DYNC2H1: variants seen among roughly 807,000 people sequenced by gnomAD.
DYNC2H1 encodes the protein cytoplasmic dynein 2 heavy chain 1.
Under a neutral mutation model 570.0 loss-of-function variants are expected in DYNC2H1, and 410 were observed. The ratio of observed to expected loss-of-function variants is 0.72; its 90% CI spans 0.66 to 0.78. DYNC2H1 has a LOEUF of 0.78. Ranked by LOEUF, DYNC2H1 falls within the 30% of genes least tolerant of loss-of-function variation. DYNC2H1 has a pLI of 0.00. For synonymous variants in DYNC2H1, 1,688 were observed against 1,677.6 expected (o/e 1.01, Z -0.15); for missense variants, 4,865 against 5,046.4 (o/e 0.96, Z 1.09).
chr11:103,373,950 C>T (rs923668262), intron 83 of DYNC2H1, among the ~76,000 whole-genome samples: 2 of 151,966 alleles, frequency 1.3e-5, no homozygotes, highest in African/African-American at 2.4e-5. Flanking sequence ...GCTCCATAGT[C>T]TTTTAAAATT....
intron 82 of DYNC2H1, among the ~76,000 whole-genome samples, chr11:103,330,870 TTAG>T (rs1039219435): frequency 6.6e-6 from 1 of 152,144 alleles, no homozygotes; most frequent in Non-Finnish European, 1.5e-5. Context: ...CATTGGAATA[TTAG>T]TAGTCTTTAC....
At chr11:103,141,460 G>A (rs1411126852) in intron 17 of DYNC2H1, among the ~76,000 whole-genome samples, 1 of 152,200 alleles carries the variant, frequency 6.6e-6, no homozygotes, top group Non-Finnish European at 1.5e-5. Flanking sequence ...GAGTTTGTTA[G>A]AGGTCCACTC....
At chr11:103,137,453 A>G (rs1173838742) in intron 17 of DYNC2H1, among the ~76,000 whole-genome samples, 1 of 152,036 alleles carries the variant, frequency 6.6e-6, no homozygotes, top group African/African-American at 2.4e-5. Context: ...ATGGTTAGCC[A>G]GTTTTCCCAG....
In DYNC2H1 at chr11:103,117,669, A is replaced by G. The variant is rs1274313581; in HGVS notation, c.805A>G (p.Thr269Ala). 1 of 1,607,356 alleles carries G rather than the reference A, an allele frequency of 6.2e-7. No individual in the cohort carries two copies. The highest frequency in any genetic ancestry group is 1.1e-5 in the South Asian group (1 of 89,476). ...FGRFVQKKLG[T>A]LNLWEDPYYL... Reference sequence around the variant, plus strand: ...AAGGTTTGTTCAGAAAAAGTTGGGAACTTTGAACCTGTGGGAAGATCCTTA... The same window carrying G: ...AAGGTTTGTTCAGAAAAAGTTGGGAGCTTTGAACCTGTGGGAAGATCCTTA... Residue 269 changes from threonine (T) to alanine (A), a missense_variant, in exon 6 of 89, where the codon ACT (threonine) becomes GCT (alanine). Transcript: ENST00000375735.
At chr11:103,453,068 T>C (rs1410313648) in intron 85 of DYNC2H1, among the ~76,000 whole-genome samples, 1 of 152,070 alleles carries the variant, frequency 6.6e-6, no homozygotes, top group Non-Finnish European at 1.5e-5. Context: ...TTCTATTAGC[T>C]ATTTATTCAC....
chr11:103,375,373 G>T (rs1941350497), intron 83 of DYNC2H1, among the ~76,000 whole-genome samples: 1 of 152,200 alleles, frequency 6.6e-6, no homozygotes, highest in African/African-American at 2.4e-5. Context: ...TCCCTACTGG[G>T]GCACTGCCTA....
chr11:103,294,900 T>G (rs548784507), intron 75 of DYNC2H1, among the ~76,000 whole-genome samples: 3 of 152,312 alleles, frequency 2.0e-5, no homozygotes, highest in Admixed American at 6.5e-5. Context: ...TATTTTCCTG[T>G]GACTGGTCTT....
At chr11:103,440,783 A>T (rs1944240229) in intron 85 of DYNC2H1, among the ~76,000 whole-genome samples, 1 of 152,054 alleles carries the variant, frequency 6.6e-6, no homozygotes, top group African/African-American at 2.4e-5. Flanking sequence ...ATCATTGTTT[A>T]CTTCTCTCCT....
intron 78 of DYNC2H1, among the ~76,000 whole-genome samples, chr11:103,308,705 G>T (rs893391823): frequency 6.6e-6 from 1 of 152,160 alleles, no homozygotes; most frequent in Non-Finnish European, 1.5e-5. Flanking sequence ...GTGAGGTGAT[G>T]TCTGTTTGTG....
At chr11:103,443,233 T>G (rs1406168585) in intron 85 of DYNC2H1, among the ~76,000 whole-genome samples, 1 of 152,034 alleles carries the variant, frequency 6.6e-6, no homozygotes, top group Non-Finnish European at 1.5e-5. Flanking sequence ...CTTCACCACA[T>G]TTGTTCCACT....
intron 20 of DYNC2H1, among the ~76,000 whole-genome samples, chr11:103,150,323 G>C (rs1284219392): frequency 7.1e-6 from 1 of 141,696 alleles, no homozygotes; most frequent in Non-Finnish European, 1.5e-5. Flanking sequence ...GGACAGGCCA[G>C]TTAGTAGGAT....
chr11:103,358,134 T>G, intron 82 of DYNC2H1, 109 bp from the exon 83 acceptor site: 1 of 589,400 alleles, frequency 1.7e-6, no homozygotes, highest in Non-Finnish European at 2.9e-6. Flanking sequence ...GACAACATTT[T>G]TGGTCTCTAT....
rs1860570946 is a variant in DYNC2H1 at position 103,151,997 on chromosome 11, G to A, written c.2947-139G>A. 3 of 964,650 alleles carry A rather than the reference G, an allele frequency of 3.1e-6. No homozygotes were observed. The highest frequency in any genetic ancestry group is 4.4e-6 in the Non-Finnish European group (3 of 680,358). 59.8% of individuals were successfully genotyped at this position (964,650 alleles called of 1,614,324 possible). ...TTTTCTGCCAAATCAGAATATATAG[G>A]AATTTAACAAACTGTTTAAATGCAA... is the stretch of plus-strand genomic sequence containing the variant. On this transcript the variant is annotated intron_variant, in intron 20 of 88. Coordinates refer to ENST00000375735, the MANE Select transcript of DYNC2H1 (RefSeq NM_001377.3). This position sits in a 1 kb window ranked among gnomAD's most constrained non-coding sequence, Gnocchi z 4.6.
chr11:103,317,726 A>G lies in DYNC2H1; in HGVS notation c.11725+1106A>G, dbSNP rs12224850. Among the ~76,000 whole-genome samples the G allele has an allele frequency of 1.6e-3, 242 of 151,670 alleles. 4 individuals carry two copies. The East Asian group carries it at 0.04, about 25-fold the overall frequency. ...ACTTTCATATGGCCTTCTTCTTCCT[A>G]TTGTTCACTTCTCAGCTTGGATGTA... On this transcript the variant is annotated intron_variant, in intron 80 of 88. Coordinates refer to ENST00000375735, the MANE Select transcript of DYNC2H1 (RefSeq NM_001377.3).
Position 103,275,088 on chromosome 11 carries a change from C to T in DYNC2H1, c.10696-5260C>T, listed in dbSNP as rs565644700. Among the ~76,000 whole-genome samples the T allele has an allele frequency of 5.3e-5, 8 of 151,150 alleles. No homozygotes were observed. The highest frequency in any genetic ancestry group is 8.8e-5 in the Non-Finnish European group (6 of 67,934). ...CAGCCTGGGCGACAGTGAGAGACTC[C>T]GTCTCAAAAATAAATAAATAAATAA... On this transcript the variant is annotated intron_variant, in intron 70 of 88. Transcript: ENST00000375735. The surrounding 1 kb of genome is among the most constrained non-coding windows in gnomAD (Gnocchi z 4.8).
intron 88 of DYNC2H1, among the ~76,000 whole-genome samples, chr11:103,478,569 C>T (rs1376022961): frequency 6.6e-6 from 1 of 151,920 alleles, no homozygotes; most frequent in Non-Finnish European, 1.5e-5. Flanking sequence ...GGGAACGTAA[C>T]CCAAAAAAGA....
Position 103,177,120 on chromosome 11 carries a change from G to C in DYNC2H1, c.5875-436G>C, listed in dbSNP as rs1321946848. Among the ~76,000 whole-genome samples, 1 of 151,958 alleles carries C rather than the reference G, an allele frequency of 6.6e-6. No individual in the cohort carries two copies. The highest frequency in any genetic ancestry group is 2.4e-5 in the African/African-American group (1 of 41,336). On this transcript the variant is annotated intron_variant, in intron 37 of 88. Transcript: ENST00000375735. The surrounding 1 kb of genome is among the most constrained non-coding windows in gnomAD (Gnocchi z 4.4). ...TATATATATGATTTAGTTTCATTTTGATAATTTATTAGGATTTTAAGTGAG... is the reference window on the plus strand; with the variant it reads ...TATATATATGATTTAGTTTCATTTTCATAATTTATTAGGATTTTAAGTGAG...
intron 87 of DYNC2H1, among the ~76,000 whole-genome samples, chr11:103,456,768 G>A (rs313869): frequency 0.61 from 92,711 of 152,144 alleles, 30,013 homozygotes; most frequent in African/African-American, 0.82. Flanking sequence ...GTGATACCAC[G>A]TATTGTCGTA....
intron 70 of DYNC2H1, among the ~76,000 whole-genome samples, chr11:103,276,128 T>C (rs1865897186): frequency 6.6e-6 from 1 of 152,192 alleles, no homozygotes; most frequent in Non-Finnish European, 1.5e-5. Flanking sequence ...GAACTTTTTT[T>C]TACATGGTCA....
Sources: allele counts gnomAD v4.1 joint callset (sites outside exome capture counted in the v4.1 genomes callset), GRCh38; gene constraint gnomAD v4.1.1; non-coding constraint Gnocchi (gnomAD v3.1); transcripts MANE v1.5; gene names NCBI Gene and HGNC (gene_info 2026-07-23, HGNC 2026-07-21).